Variants in YEATS4 observed in about 807,000 individuals in gnomAD.
The protein encoded by YEATS4 is YEATS domain-containing protein 4.
Under a neutral mutation model 30.1 loss-of-function variants are expected in YEATS4, and 17 were observed. That is an observed-to-expected ratio of 0.56 (90% CI 0.39 to 0.85). The LOEUF is 0.85. YEATS4 is among the 40% of genes least tolerant of loss of function. YEATS4 has a pLI of 0.00. For synonymous variants in YEATS4, 85 were observed against 87.5 expected (o/e 0.97, Z 0.16); for missense variants, 142 against 268.3 (o/e 0.53, Z 3.29).
At chr12:69,364,706 G>T (rs988323424) in intron 2 of YEATS4, among the ~76,000 whole-genome samples, 1 of 152,070 alleles carries the variant, frequency 6.6e-6, no homozygotes, top group Non-Finnish European at 1.5e-5. Context: ...TGCAACCTCC[G>T]CCTCCTGGGT....
At chr12:69,420,889 T>G in the YEATS4 span, among the ~76,000 whole-genome samples, 1 of 152,324 alleles carries the variant, frequency 6.6e-6, no homozygotes, top group African/African-American at 2.4e-5. Context: ...TGTACATGGA[T>G]GGAATAATGA....
chr12:69,388,646 A>T (rs774064292), intron 6 of YEATS4, among the ~76,000 whole-genome samples: 9 of 152,316 alleles, frequency 5.9e-5, no homozygotes, highest in Admixed American at 4.6e-4. Context: ...ATTTAAATAG[A>T]TGTGTCCTGT....
the YEATS4 span, among the ~76,000 whole-genome samples, chr12:69,424,415 C>T: frequency 6.6e-6 from 1 of 152,210 alleles, no homozygotes; most frequent in South Asian, 2.1e-4. Context: ...TCCATAGTCT[C>T]AGCTGAATCA....
At chr12:69,410,494 G>C in the YEATS4 span, among the ~76,000 whole-genome samples, 1 of 152,094 alleles carries the variant, frequency 6.6e-6, no homozygotes, top group African/African-American at 2.4e-5. Flanking sequence ...TTTTAACAGA[G>C]GTCAGGCAAA....
At chr12:69,382,215 A>G (rs1242338305) in intron 6 of YEATS4, among the ~76,000 whole-genome samples, 1 of 152,186 alleles carries the variant, frequency 6.6e-6, no homozygotes, top group African/African-American at 2.4e-5. Context: ...TCACCACCCA[A>G]TCTCCAAGCC....
At chr12:69,422,198 T>C in the YEATS4 span, among the ~76,000 whole-genome samples, 3 of 151,428 alleles carry the variant, frequency 2.0e-5, no homozygotes, top group Non-Finnish European at 4.4e-5. Context: ...ATGAAGAGAG[T>C]GAGCAACAGA....
chr12:69,422,931 C>A, the YEATS4 span: 1 of 152,226 alleles, frequency 6.6e-6, no homozygotes, highest in Non-Finnish European at 1.5e-5. Context: ...CCAGAAGGAT[C>A]CAATACCCCT....
At chr12:69,363,001 T>C in intron 2 of YEATS4, 94 bp downstream of exon 2, 1 of 1,264,118 alleles carries the variant, frequency 7.9e-7, no homozygotes, top group Non-Finnish European at 1.0e-6. Flanking sequence ...TTTTTTTTTT[T>C]TTTTTTTTTG....
chr12:69,404,766 G>A, the YEATS4 span, among the ~76,000 whole-genome samples: 1 of 152,224 alleles, frequency 6.6e-6, no homozygotes, highest in African/African-American at 2.4e-5. Context: ...TTCCTCTGGT[G>A]AGAACTGCAA....
chr12:69,405,831 G>A, the YEATS4 span, among the ~76,000 whole-genome samples: 2 of 152,212 alleles, frequency 1.3e-5, no homozygotes, highest in Admixed American at 1.3e-4. Flanking sequence ...TTGACCACAG[G>A]TAATTGAAAC....
At chr12:69,409,541 C>T in the YEATS4 span, among the ~76,000 whole-genome samples, 15 of 151,418 alleles carry the variant, frequency 9.9e-5, no homozygotes, top group South Asian at 1.3e-3. Flanking sequence ...CGCTTGAACT[C>T]GGGAGGCAGA....
chr12:69,397,349 C>T, the YEATS4 span, among the ~76,000 whole-genome samples: 9 of 152,184 alleles, frequency 5.9e-5, no homozygotes, highest in African/African-American at 7.2e-5. Flanking sequence ...TAATATGACT[C>T]GTGATATAGT....
chr12:69,404,611 C>G, the YEATS4 span, among the ~76,000 whole-genome samples: 1 of 152,140 alleles, frequency 6.6e-6, no homozygotes, highest in African/African-American at 2.4e-5. Flanking sequence ...AGTGCCATAC[C>G]CTGGGACTTC....
chr12:69,410,641 T>C, the YEATS4 span, among the ~76,000 whole-genome samples: 1 of 152,206 alleles, frequency 6.6e-6, no homozygotes, highest in Admixed American at 6.5e-5. Context: ...AAAGAAACTA[T>C]AAGCAAGCAT....
chr12:69,426,241 AAAT>A, the YEATS4 span, among the ~76,000 whole-genome samples: 2 of 152,050 alleles, frequency 1.3e-5, no homozygotes, highest in Non-Finnish European at 1.5e-5. Context: ...ACCCTATCTC[AAAT>A]AATAATAATA....
At chr12:69,418,237 A>T in the YEATS4 span, among the ~76,000 whole-genome samples, 1 of 152,198 alleles carries the variant, frequency 6.6e-6, no homozygotes, top group Non-Finnish European at 1.5e-5. Flanking sequence ...ATAAGGCATT[A>T]TTTACTAGCC....
intron 1 of YEATS4, among the ~76,000 whole-genome samples, 198 bp downstream of exon 1, chr12:69,360,221 G>A (rs1875137569): frequency 6.6e-6 from 1 of 152,076 alleles, no homozygotes; most frequent in Non-Finnish European, 1.5e-5. Context: ...TCGCGTCACT[G>A]CCAACTCCCA....
At chr12:69,396,158 T>G in the YEATS4 span, among the ~76,000 whole-genome samples, 1 of 152,228 alleles carries the variant, frequency 6.6e-6, no homozygotes, top group Non-Finnish European at 1.5e-5. Flanking sequence ...TCATTGCTCT[T>G]TAGTAATTCC....
the YEATS4 span, among the ~76,000 whole-genome samples, chr12:69,413,702 A>C: frequency 6.6e-6 from 1 of 151,950 alleles, no homozygotes; most frequent in Non-Finnish European, 1.5e-5. Flanking sequence ...AAATACAAAA[A>C]TTAGCCAGGC....
Sources: allele counts gnomAD v4.1 joint callset (sites outside exome capture counted in the v4.1 genomes callset), GRCh38; gene constraint gnomAD v4.1.1; transcripts MANE v1.5; gene names NCBI Gene and HGNC (gene_info 2026-07-23, HGNC 2026-07-21).